Variants in KCNAB1 observed in about 807,000 individuals in gnomAD.
The protein encoded by KCNAB1 is voltage-gated potassium channel subunit beta-1.
KCNAB1 carries 35 observed loss-of-function variants against 64.6 expected under a neutral mutation model. The observed-to-expected ratio is 0.54, with a 90% CI of 0.41 to 0.72. The LOEUF (loss-of-function observed/expected upper bound fraction) is 0.72, where lower values mean the gene tolerates loss of function less well. Among genes scored for constraint, KCNAB1 ranks in the 30% least tolerant of loss-of-function variants. The pLI, the probability that KCNAB1 is intolerant of heterozygous loss-of-function variation, is 0.00. For missense variants in KCNAB1, 401 were observed against 512.9 expected (o/e 0.78, Z 2.11); for synonymous variants, 177 against 183.8 (o/e 0.96, Z 0.30).
At chr3:156,228,070 C>T (rs949763588) in intron 1 of KCNAB1, among the ~76,000 whole-genome samples, 1 of 152,170 alleles carries the variant, frequency 6.6e-6, no homozygotes, top group African/African-American at 2.4e-5. Context: ...GAAACGTCTT[C>T]CACCTTAAAA....
At chr3:156,119,387 G>A (rs1023364433), upstream of KCNAB1, among the ~76,000 whole-genome samples, 4 of 152,180 alleles carry the variant, frequency 2.6e-5, no homozygotes, top group Non-Finnish European at 4.4e-5. Flanking sequence ...GGCAGAGGAG[G>A]CCTTATGACA....
intron 1 of KCNAB1, among the ~76,000 whole-genome samples, chr3:156,140,097 C>A: frequency 6.6e-6 from 1 of 152,152 alleles, no homozygotes; most frequent in Admixed American, 6.5e-5. Flanking sequence ...TCTTTAAAAC[C>A]TTTCTAATAC....
chr3:156,294,756 G>T (rs1202597251), intron 1 of KCNAB1, among the ~76,000 whole-genome samples: 1 of 152,126 alleles, frequency 6.6e-6, no homozygotes, highest in East Asian at 1.9e-4. Context: ...CTTGAAAATG[G>T]TTTTCATAGG....
intron 1 of KCNAB1, among the ~76,000 whole-genome samples, chr3:156,149,227 G>A (rs1259295468): frequency 6.6e-6 from 1 of 151,986 alleles, no homozygotes; most frequent in African/African-American, 2.4e-5. Context: ...GCTAATCTAA[G>A]CTACTAGATG....
At chr3:156,431,732 C>T (rs1230011908) in intron 2 of KCNAB1, among the ~76,000 whole-genome samples, 8 of 152,226 alleles carry the variant, frequency 5.3e-5, no homozygotes, top group Non-Finnish European at 1.2e-4. Context: ...CTAGCAAAAA[C>T]ACAAATTTCT....
At chr3:156,445,442 G>C (rs1483808126) in intron 2 of KCNAB1, among the ~76,000 whole-genome samples, 1 of 152,176 alleles carries the variant, frequency 6.6e-6, no homozygotes, top group Non-Finnish European at 1.5e-5. Context: ...TCCACTCCCA[G>C]AAATTCTGAT....
chr3:156,178,413 C>T (rs1712539589), intron 1 of KCNAB1, among the ~76,000 whole-genome samples: 2 of 152,194 alleles, frequency 1.3e-5, no homozygotes, highest in South Asian at 2.1e-4. Context: ...ACTCCTTCTA[C>T]CCCTAGTGGG....
intron 2 of KCNAB1, among the ~76,000 whole-genome samples, chr3:156,444,864 G>A (rs1261758536): frequency 6.6e-6 from 1 of 152,190 alleles, no homozygotes; most frequent in East Asian, 1.9e-4. Flanking sequence ...CAGGGTGCAG[G>A]AGCATGTCTG....
At chr3:156,359,189 G>C (rs1383204538) in intron 1 of KCNAB1, among the ~76,000 whole-genome samples, 1 of 152,004 alleles carries the variant, frequency 6.6e-6, no homozygotes, top group Non-Finnish European at 1.5e-5. Flanking sequence ...AATTAATGTG[G>C]CCCCCTGCAT....
intron 1 of KCNAB1, among the ~76,000 whole-genome samples, chr3:156,324,143 T>C (rs1722833356): frequency 6.6e-6 from 1 of 152,098 alleles, no homozygotes; most frequent in Admixed American, 6.5e-5. Flanking sequence ...TGATCAGAAA[T>C]GTGAGTCTGA....
chr3:156,442,520 A>G (rs1477642919), intron 2 of KCNAB1, among the ~76,000 whole-genome samples: 1 of 152,178 alleles, frequency 6.6e-6, no homozygotes. Context: ...TAAACCTTAA[A>G]TCTAAGAAAG....
intron 1 of KCNAB1, among the ~76,000 whole-genome samples, chr3:156,166,779 T>C (rs1711599077): frequency 6.6e-6 from 1 of 152,196 alleles, no homozygotes; most frequent in Non-Finnish European, 1.5e-5. Flanking sequence ...AATAAATTGG[T>C]CAACAATTTT....
chr3:156,272,984 G>T (rs1719121233), intron 1 of KCNAB1, among the ~76,000 whole-genome samples: 1 of 152,104 alleles, frequency 6.6e-6, no homozygotes, highest in African/African-American at 2.4e-5. Flanking sequence ...CCTAGCCCAG[G>T]GTTTGTCTAG....
intron 1 of KCNAB1, among the ~76,000 whole-genome samples, chr3:156,153,641 C>T (rs6809972): frequency 0.013 from 1,981 of 152,314 alleles, 40 homozygotes; most frequent in African/African-American, 0.032. Context: ...TGAACAAAAA[C>T]GCTGACCTCT....
At chr3:156,127,952 A>C (rs1454479829) in intron 1 of KCNAB1, among the ~76,000 whole-genome samples, 3 of 149,822 alleles carry the variant, frequency 2.0e-5, no homozygotes, top group Non-Finnish European at 1.5e-5. Flanking sequence ...CTTCTGAATA[A>C]CTGTGGACAC....
At chr3:156,278,608 G>A (rs748039432) in intron 1 of KCNAB1, among the ~76,000 whole-genome samples, 8 of 152,072 alleles carry the variant, frequency 5.3e-5, no homozygotes, top group African/African-American at 9.7e-5. Flanking sequence ...AGTTCGTAAT[G>A]TACCATTTTA....
intron 1 of KCNAB1, among the ~76,000 whole-genome samples, chr3:156,204,201 C>T (rs951854068): frequency 1.3e-5 from 2 of 152,206 alleles, no homozygotes; most frequent in Non-Finnish European, 2.9e-5. Flanking sequence ...TAGCTGAGCA[C>T]TTTCCAACCA....
At chr3:156,319,541 T>C (rs1180416686) in intron 1 of KCNAB1, among the ~76,000 whole-genome samples, 1 of 152,140 alleles carries the variant, frequency 6.6e-6, no homozygotes. Context: ...GGAAGTACAA[T>C]CCTACCATTT....
intron 8 of KCNAB1, among the ~76,000 whole-genome samples, chr3:156,491,378 A>G (rs540415252): frequency 2.0e-5 from 3 of 152,230 alleles, no homozygotes; most frequent in African/African-American, 7.2e-5. Flanking sequence ...TATCAGCTTG[A>G]CCATGTGGAA....
Sources: gnomAD v4.1 joint callset for allele counts (sites outside exome capture counted in the v4.1 genomes callset) on GRCh38, gnomAD v4.1.1 for gene constraint, MANE v1.5 for transcripts, NCBI Gene and HGNC (gene_info 2026-07-23, HGNC 2026-07-21) for gene names.